TAFA1: variants seen among roughly 807,000 people sequenced by gnomAD.
TAFA1 encodes chemokine-like protein TAFA-1.
TAFA1 carries 4 observed loss-of-function variants against 18.5 expected under a neutral mutation model. That is an observed-to-expected ratio of 0.22 (90% CI 0.11 to 0.49). TAFA1 has a LOEUF of 0.49. Among genes scored for constraint, TAFA1 ranks in the 20% least tolerant of loss-of-function variants. The probability of loss-of-function intolerance (pLI) is 0.98; values close to 1 mark genes in which losing one functional copy is unlikely to be tolerated. For missense variants in TAFA1, 147 were observed against 169.0 expected (o/e 0.87, Z 0.72); for synonymous variants, 56 against 55.2 (o/e 1.01, Z -0.06).
chr3:68,359,971 T>C (rs913083194), intron 2 of TAFA1, among the ~76,000 whole-genome samples: 7 of 152,026 alleles, frequency 4.6e-5, no homozygotes, highest in African/African-American at 1.7e-4. Context: ...TAAGATATTA[T>C]ATGAAGTGGG....
chr3:68,051,208 CAGA>C (rs1264120187), intron 2 of TAFA1, among the ~76,000 whole-genome samples: 3 of 152,090 alleles, frequency 2.0e-5, no homozygotes, highest in Non-Finnish European at 4.4e-5. Context: ...ATGTGGATTA[CAGA>C]AGAAGTGAAT....
intron 2 of TAFA1, among the ~76,000 whole-genome samples, chr3:68,148,861 A>G (rs73834857): frequency 0.045 from 6,923 of 152,360 alleles, 187 homozygotes; most frequent in East Asian, 0.091. Flanking sequence ...CCAGTCCCCA[A>G]TAATATCTAC....
chr3:68,120,275 A>G (rs1322318799), intron 2 of TAFA1, among the ~76,000 whole-genome samples: 1 of 123,648 alleles, frequency 8.1e-6, no homozygotes, highest in East Asian at 2.4e-4. Context: ...TTTGAGACAG[A>G]GTCTCATTCT....
intron 3 of TAFA1, among the ~76,000 whole-genome samples, chr3:68,448,805 C>T (rs757406041): frequency 1.3e-5 from 2 of 152,134 alleles, no homozygotes; most frequent in Admixed American, 1.3e-4. Context: ...CATTTTCTCA[C>T]TGTAAAATGG....
At chr3:68,046,867 G>T (rs2064392810) in intron 2 of TAFA1, among the ~76,000 whole-genome samples, 1 of 152,104 alleles carries the variant, frequency 6.6e-6, no homozygotes, top group Non-Finnish European at 1.5e-5. Flanking sequence ...CTAAGATAAG[G>T]TTAAGCCTGA....
chr3:68,072,896 A>G (rs980573451), intron 2 of TAFA1, among the ~76,000 whole-genome samples: 3 of 152,240 alleles, frequency 2.0e-5, no homozygotes, highest in African/African-American at 7.2e-5. Context: ...CACTACAAAC[A>G]TAAAGCATTC....
At chr3:68,511,553 C>A (rs1449077071) in intron 3 of TAFA1, among the ~76,000 whole-genome samples, 2 of 151,868 alleles carry the variant, frequency 1.3e-5, no homozygotes, top group Non-Finnish European at 2.9e-5. Context: ...GGTTTTCATG[C>A]CTTAAAATGA....
chr3:68,442,383 T>C (rs2106871745), intron 3 of TAFA1, among the ~76,000 whole-genome samples: 2 of 152,206 alleles, frequency 1.3e-5, no homozygotes, highest in South Asian at 4.1e-4. Flanking sequence ...AGGCCATCCA[T>C]TCCCCTCCAA....
At chr3:68,229,853 A>G (rs1278274867) in intron 2 of TAFA1, among the ~76,000 whole-genome samples, 1 of 152,184 alleles carries the variant, frequency 6.6e-6, no homozygotes, top group Non-Finnish European at 1.5e-5. Flanking sequence ...ACGGAGAGAT[A>G]TATAATGCTT....
intron 2 of TAFA1, among the ~76,000 whole-genome samples, chr3:68,204,045 G>A (rs1047436536): frequency 6.9e-6 from 1 of 145,600 alleles, no homozygotes; most frequent in Non-Finnish European, 1.5e-5. Context: ...TACAGTAAAG[G>A]TTTTCCTACC....
chr3:68,481,824 T>C (rs1378063006), intron 3 of TAFA1, among the ~76,000 whole-genome samples: 1 of 152,188 alleles, frequency 6.6e-6, no homozygotes, highest in Non-Finnish European at 1.5e-5. Flanking sequence ...AATTCCTTCA[T>C]TATTTTCCTA....
At chr3:68,488,980 C>T (rs2072401729) in intron 3 of TAFA1, among the ~76,000 whole-genome samples, 1 of 152,190 alleles carries the variant, frequency 6.6e-6, no homozygotes, top group Non-Finnish European at 1.5e-5. Context: ...AGGCTCTGAG[C>T]TAAGTGCTTT....
intron 3 of TAFA1, among the ~76,000 whole-genome samples, chr3:68,528,047 G>A (rs2073132519): frequency 6.6e-6 from 1 of 152,080 alleles, no homozygotes; most frequent in South Asian, 2.1e-4. Flanking sequence ...AATTTGAGCT[G>A]TAAAAAATGA....
At chr3:68,079,315 A>T (rs4700629) in intron 2 of TAFA1, among the ~76,000 whole-genome samples, 4,525 of 151,758 alleles carry the variant, frequency 0.03, 237 homozygotes, top group African/African-American at 0.1. Flanking sequence ...TATTTCCTTC[A>T]GTTCTGCTCT....
At chr3:68,137,625 C>G (rs1395782270) in intron 2 of TAFA1, among the ~76,000 whole-genome samples, 12 of 152,154 alleles carry the variant, frequency 7.9e-5, no homozygotes, top group Admixed American at 3.9e-4. Context: ...GAAGTAGAAA[C>G]AGATAAAAGG....
intron 2 of TAFA1, among the ~76,000 whole-genome samples, chr3:68,291,146 T>A (rs1003018087): frequency 1.3e-5 from 2 of 152,162 alleles, no homozygotes; most frequent in Admixed American, 1.3e-4. Flanking sequence ...TTTTTGGATC[T>A]GACAGCAACA....
intron 2 of TAFA1, among the ~76,000 whole-genome samples, chr3:68,092,209 C>A (rs917596493): frequency 1.7e-4 from 26 of 152,044 alleles, no homozygotes; most frequent in African/African-American, 5.3e-4. Context: ...GGCTTGAGAG[C>A]ATTAATGAAT....
intron 2 of TAFA1, among the ~76,000 whole-genome samples, chr3:68,201,250 A>G (rs1008325945): frequency 2.0e-5 from 3 of 151,672 alleles, no homozygotes; most frequent in Non-Finnish European, 4.4e-5. Context: ...CAGACTTTTT[A>G]TAATTTATAT....
chr3:68,401,750 A>C (rs1043422216), intron 2 of TAFA1, among the ~76,000 whole-genome samples: 1 of 152,170 alleles, frequency 6.6e-6, no homozygotes, highest in Non-Finnish European at 1.5e-5. Context: ...CATTATCTTC[A>C]TTACCAGTCT....
Sources: gnomAD v4.1 joint callset for allele counts (sites outside exome capture counted in the v4.1 genomes callset) on GRCh38, gnomAD v4.1.1 for gene constraint, MANE v1.5 for transcripts, NCBI Gene and HGNC (gene_info 2026-07-23, HGNC 2026-07-21) for gene names.